The following WDR38 variants were observed in gnomAD, a reference collection of about 807,000 sequenced individuals.
The protein encoded by WDR38 is WD repeat-containing protein 38.
A neutral mutation model predicts 36.6 loss-of-function variants in WDR38; 37 were observed. The ratio of observed to expected loss-of-function variants is 1.01; its 90% CI spans 0.78 to 1.33. The LOEUF is 1.33. WDR38 is among the 40% of genes most tolerant of loss of function. WDR38 has a pLI of 0.00. For missense variants in WDR38, 411 were observed against 414.6 expected, an observed-to-expected ratio of 0.99 and a Z score of 0.07; for synonymous variants, 164 against 168.1, an observed-to-expected ratio of 0.98 and a Z score of 0.19.
intron 1 of WDR38, among the ~76,000 whole-genome samples, chr9:124,853,823 C>T (rs1232263535): frequency 6.6e-6 from 1 of 152,180 alleles, no homozygotes; most frequent in Non-Finnish European, 1.5e-5. Flanking sequence ...GTAAAAAGAG[C>T]CCCGGGCTCT....
At position 124,857,735 on chromosome 9, in the gene WDR38, G is replaced by A. The variant is rs1159241395; in HGVS notation, c.*105G>A. 13 of 1,551,952 alleles carry A rather than the reference G, an allele frequency of 8.4e-6. No homozygotes were observed. Among genetic ancestry groups the A allele is most frequent in the East Asian group, 2.3e-5 (1 of 43,498 alleles). On this transcript the variant is annotated 3_prime_UTR_variant, in exon 9 of 9. Transcript: ENST00000373574. Reference sequence around the variant, plus strand: ...AAAGTGACTGTGCTGGCATCCAGCAGATCCCCATGGCCAGGACTCTCCAGG... The same window carrying A: ...AAAGTGACTGTGCTGGCATCCAGCAAATCCCCATGGCCAGGACTCTCCAGG...
chr9:124,857,272 A>G (rs1829102805), intron 7 of WDR38, 92 bp from the exon 8 acceptor site: 3 of 1,520,338 alleles, frequency 2.0e-6, no homozygotes, highest in African/African-American at 2.7e-5. Flanking sequence ...GCGAAGACTC[A>G]TCTCATATTT....
At position 124,856,228 on chromosome 9, in the gene WDR38, G is replaced by A; in HGVS notation, c.406-12G>A. The A allele has an allele frequency of 6.2e-7, 1 of 1,614,122 alleles. No homozygotes were observed. Among genetic ancestry groups the A allele is most frequent in the East Asian group, 2.2e-5 (1 of 44,888 alleles). ...CCCTCTGCTGCCTTCTGCAGCTCAGGGCTCTCTCTAGTCCGGCCAGATGCT... is the reference window on the plus strand; with the variant it reads ...CCCTCTGCTGCCTTCTGCAGCTCAGAGCTCTCTCTAGTCCGGCCAGATGCT... On this transcript the variant is annotated splice_polypyrimidine_tract_variant and intron_variant, in intron 4 of 8. Coordinates refer to ENST00000373574, the MANE Select transcript of WDR38 (RefSeq NM_001045476.3).
rs764363119 is a variant in WDR38 at position 124,857,389 on chromosome 9, G to A, written c.794G>A (p.Gly265Glu). The A allele has an allele frequency of 1.2e-6, 2 of 1,614,042 alleles. No homozygotes were observed. The highest frequency in any genetic ancestry group is 1.3e-5 in the African/African-American group (1 of 74,924). ...RMVKVWDCNT[G>E]KCLETLKGVL... ...GTCAAAGTCTGGGACTGCAACACAG[G>A]AAAGTGCCTTGAGACCCTGAAGGTA... Residue 265 changes from glycine (G) to glutamate (E), a missense_variant, in exon 8 of 9, where the codon GGA becomes GAA. Physicochemically the swap from Gly to Glu is moderately conservative, Grantham distance 98 (BLOSUM62 -2). Transcript: ENST00000373574.
At chr9:124,855,609 C>A in intron 2 of WDR38, 25 bp from the exon 3 acceptor site, 1 of 1,598,422 alleles carries the variant, frequency 6.3e-7, no homozygotes, top group Non-Finnish European at 8.5e-7. Flanking sequence ...AGTGCTCTGT[C>A]CCCTGACTGT....
chr9:124,857,531 C>T lies in WDR38; in HGVS notation c.846C>T (p.Ala282=). 1 of 1,614,182 alleles carries T rather than the reference C, an allele frequency of 6.2e-7. No individual in the cohort carries two copies. The highest frequency in any genetic ancestry group is 8.5e-7 in the Non-Finnish European group (1 of 1,180,022). The change falls in exon 9 of 9, where the codon GCC becomes GCT. Residue 282 remains alanine, a synonymous_variant. Coordinates refer to ENST00000373574, the MANE Select transcript of WDR38 (RefSeq NM_001045476.3). Reference sequence around the variant, plus strand: ...TCCTGGATGTGGCCCACACCTGTGCCTTCACCCCAGATGGGAAAATCTTAG... The same window carrying T: ...TCCTGGATGTGGCCCACACCTGTGCTTTCACCCCAGATGGGAAAATCTTAG... ...KGVLDVAHTC[A]FTPDGKILVS... is the part of the protein sequence containing the mutation.
At chr9:124,855,813 TGTCAC>T (rs1371422576) in intron 3 of WDR38, 43 bp from the exon 4 acceptor site, 1 of 1,613,608 alleles carries the variant, frequency 6.2e-7, no homozygotes, top group African/African-American at 1.3e-5. Context: ...CTGTGTCCTG[TGTCAC>T]GTCACCTTTC....
Position 124,855,723 on chromosome 9 carries a change from A to G in WDR38, c.280A>G (p.Arg94Gly). Reference sequence around the variant, plus strand: ...CACTGTCCGCCTGTGGGATGTGGCAAGAGCGAAGTGTCTGCGGGTCCTGAA... The same window carrying G: ...CACTGTCCGCCTGTGGGATGTGGCAGGAGCGAAGTGTCTGCGGGTCCTGAA... ...DCTVRLWDVA[R>G]AKCLRVLKGH... Residue 94 changes from arginine (R) to glycine (G), a missense_variant, in exon 3 of 9, where the codon AGA becomes GGA. Transcript: ENST00000373574. 1 of 1,613,398 alleles carries G rather than the reference A, an allele frequency of 6.2e-7. No individual in the cohort carries two copies. Among genetic ancestry groups the G allele is most frequent in the Non-Finnish European group, 8.5e-7 (1 of 1,180,042 alleles).
Position 124,856,222 on chromosome 9 carries a change from G to A in WDR38, c.406-18G>A. Reference sequence around the variant, plus strand: ...CGGCTGCCCTCTGCTGCCTTCTGCAGCTCAGGGCTCTCTCTAGTCCGGCCA... The same window carrying A: ...CGGCTGCCCTCTGCTGCCTTCTGCAACTCAGGGCTCTCTCTAGTCCGGCCA... On this transcript the variant is annotated intron_variant, in intron 4 of 8. Coordinates refer to ENST00000373574, the MANE Select transcript of WDR38 (RefSeq NM_001045476.3). The A allele has an allele frequency of 6.2e-7, 1 of 1,614,110 alleles. No individual in the cohort carries two copies. Among genetic ancestry groups the A allele is most frequent in the South Asian group, 1.1e-5 (1 of 91,086 alleles).
Position 124,854,270 on chromosome 9 carries a change from G to A in WDR38, c.135G>A (p.Val45=), listed in dbSNP as rs1333136552. The change falls in exon 2 of 9, where the codon GTG becomes GTA. Residue 45 remains valine, a synonymous_variant. Coordinates refer to ENST00000373574, the MANE Select transcript of WDR38 (RefSeq NM_001045476.3). Reference sequence around the variant, plus strand: ...TCACAGGCTCAGAAGATGGCTGCGTGTATGGCTGGGAGACCCGGAGTGGGC... The same window carrying A: ...TCACAGGCTCAGAAGATGGCTGCGTATATGGCTGGGAGACCCGGAGTGGGC... The part of the protein sequence containing the change: ...MLLTGSEDGC[V]YGWETRSGQL... 1 of 1,614,144 alleles carries A rather than the reference G, an allele frequency of 6.2e-7. No homozygotes were observed. The highest frequency in any genetic ancestry group is 8.5e-7 in the Non-Finnish European group (1 of 1,179,996).
At chr9:124,857,239 A>G (rs1588034405) in intron 7 of WDR38, 125 bp from the exon 8 acceptor site, 1 of 1,289,184 alleles carries the variant, frequency 7.8e-7, no homozygotes, top group South Asian at 1.2e-5. Flanking sequence ...AGGTAGGTGA[A>G]TCACCTGAGG....
At chr9:124,857,280 T>C in intron 7 of WDR38, 84 bp from the exon 8 acceptor site, 2 of 1,569,536 alleles carry the variant, frequency 1.3e-6, no homozygotes, top group South Asian at 2.2e-5. Flanking sequence ...TCATCTCATA[T>C]TTTGTCTGGG....
At position 124,857,606 on chromosome 9, in the gene WDR38, A is replaced by G; in HGVS notation, c.921A>G (p.Lys307=). The change falls in exon 9 of 9, where the codon AAA becomes AAG. Residue 307 remains lysine, a synonymous_variant. Coordinates refer to ENST00000373574, the MANE Select transcript of WDR38 (RefSeq NM_001045476.3). ...QTRRQISRTS[K]SPRDPQT ...GACGTCAAATATCCCGCACGTCCAA[A>G]TCACCCAGGGACCCTCAAACCTAAC... 1 of 1,614,100 alleles carries G rather than the reference A, an allele frequency of 6.2e-7. No individual in the cohort carries two copies. The highest frequency in any genetic ancestry group is 8.5e-7 in the Non-Finnish European group (1 of 1,180,016).
chr9:124,853,524 G>T lies in WDR38; in HGVS notation c.-8G>T. 1 of 1,243,718 alleles carries T rather than the reference G, an allele frequency of 8.0e-7. No individual in the cohort carries two copies. The highest frequency in any genetic ancestry group is 4.1e-5 in the South Asian group (1 of 24,328). The allele number at this position is 1,243,718 out of a possible 1,614,324, so 77.0% of individuals were successfully genotyped here. On this transcript the variant is annotated 5_prime_UTR_variant, in exon 1 of 9. Coordinates refer to ENST00000373574, the MANE Select transcript of WDR38 (RefSeq NM_001045476.3). ...GAGCCCGCCGGGGCGGGGCGGGGCC[G>T]GGTGCCCATGAACAGCGGGGTCCCG... is the stretch of plus-strand genomic sequence containing the variant.
At chr9:124,855,528 G>A in intron 2 of WDR38, 106 bp from the exon 3 acceptor site, 1 of 1,153,986 alleles carries the variant, frequency 8.7e-7, no homozygotes, top group South Asian at 1.4e-5. Context: ...CTGGAGTTTG[G>A]GTGAGGGGAG....
intron 1 of WDR38, 116 bp downstream of exon 1, chr9:124,853,716 A>G (rs3814131): frequency 0.45 from 372,166 of 822,070 alleles, 87,191 homozygotes; most frequent in East Asian, 0.77. Flanking sequence ...CATTGAGTCC[A>G]GAGTAGACTT....
At chr9:124,855,248 A>T (rs1296283850) in intron 2 of WDR38, among the ~76,000 whole-genome samples, 3 of 152,228 alleles carry the variant, frequency 2.0e-5, no homozygotes, top group African/African-American at 7.2e-5. Context: ...GTAAGGACTC[A>T]ATAGATATAA....
chr9:124,857,351 C>CG lies in WDR38; in HGVS notation c.769-13_769-12insG, dbSNP rs773720505. On this transcript the variant is annotated splice_polypyrimidine_tract_variant and intron_variant, in intron 7 of 8. Transcript: ENST00000373574. ...CTGGTGAGGCTTCCTGACATGCCCC[C>CG]CTCCTTTTCCAGGTCAAAGTCTGGG... 8.2e-5 allele frequency: 133 copies of CG among 1,613,528 alleles called. No homozygotes were observed. Among genetic ancestry groups the CG allele is most frequent in the Non-Finnish European group, 1.0e-4 (121 of 1,179,910 alleles).
In WDR38 at chr9:124,854,210, C is replaced by T; in HGVS notation, c.75C>T (p.Asn25=). The T allele has an allele frequency of 6.2e-7, 1 of 1,614,128 alleles. No individual in the cohort carries two copies. The highest frequency in any genetic ancestry group is 8.5e-7 in the Non-Finnish European group (1 of 1,179,984). ...KFFGQHGGEV[N]SSAFSPDGQM... ...CGCTTTTGTGCTGTTTCTAGGTCAA[C>T]TCTTCTGCCTTCTCCCCTGATGGCC... Residue 25 remains asparagine (N), a synonymous_variant, in exon 2 of 9, where the codon AAC becomes AAT. Transcript: ENST00000373574.
Sources: allele counts gnomAD v4.1 joint callset (sites outside exome capture counted in the v4.1 genomes callset), GRCh38; gene constraint gnomAD v4.1.1; transcripts MANE v1.5; gene names NCBI Gene and HGNC (gene_info 2026-07-23, HGNC 2026-07-21).